The following FAT2 variants were observed in gnomAD, a reference collection of about 807,000 sequenced individuals.
The protein encoded by FAT2 is protocadherin Fat 2.
Under a neutral mutation model 295.3 loss-of-function variants are expected in FAT2, and 150 were observed. The observed-to-expected ratio is 0.51, with a 90% confidence interval of 0.44 to 0.58. FAT2 has a LOEUF of 0.58. Ranked by LOEUF, FAT2 falls within the 20% of genes least tolerant of loss-of-function variation. FAT2 has a pLI of 0.00. For synonymous variants in FAT2, 2,026 were observed against 2,150.3 expected (o/e 0.94, Z 1.60); for missense variants, 4,868 against 5,442.7 (o/e 0.89, Z 3.32).
At chr5:151,509,985 A>G in intron 22 of FAT2, 36 bp downstream of exon 22, 1 of 1,605,184 alleles carries the variant, frequency 6.2e-7, no homozygotes, top group Non-Finnish European at 8.5e-7. Context: ...ATTCCCTAAC[A>G]AGGAGCCCAT....
In FAT2 at chr5:151,544,454, G is replaced by A. The variant is rs2127609815; in HGVS notation, c.6673C>T (p.Leu2225=). Residue 2225 remains leucine (L), a synonymous_variant, in exon 10 of 24, where the codon CTA becomes TTA. Transcript: ENST00000261800. ...TAGTCCAAAGGCCCTGTTACTGTTA[G>A]GACACCAGTCTTGAAGTCAGTGGTG... ...LFTTDFKTGV[L]TVTGPLDYES... is the part of the protein sequence containing the mutation. 8 of 1,614,174 alleles carry A rather than the reference G, an allele frequency of 5.0e-6. No homozygotes were observed. The highest frequency in any genetic ancestry group is 6.8e-6 in the Non-Finnish European group (8 of 1,180,026).
At position 151,571,625 on chromosome 5, in the gene FAT2, G is replaced by GGCTAC. The variant is rs1270228173; in HGVS notation, c.-20-2675_-20-2674insGTAGC. Among the ~76,000 whole-genome samples, 21 of 152,326 alleles carry GGCTAC rather than the reference G, an allele frequency of 1.4e-4. No homozygotes were observed. In the East Asian group the frequency reaches 3.3e-3, roughly 24 times the overall value. On this transcript the variant is annotated intron_variant, in intron 1 of 23. Transcript: ENST00000261800. The stretch of plus-strand genomic sequence containing the variant: ...GTGCCCATGACCTGCCCAGGCTGTA[G>GGCTAC]GACCTGCACACCTGGGGAGTAGTTT...
intron 13 of FAT2, among the ~76,000 whole-genome samples, 188 bp downstream of exon 13, chr5:151,534,221 A>G (rs1386784817): frequency 6.6e-6 from 1 of 152,218 alleles, no homozygotes; most frequent in Non-Finnish European, 1.5e-5. Context: ...AAACATTGCT[A>G]AAATCATTTG....
upstream of FAT2, among the ~76,000 whole-genome samples, chr5:151,591,456 T>C (rs1345500162): frequency 6.6e-6 from 1 of 151,926 alleles, no homozygotes; most frequent in South Asian, 2.1e-4. Flanking sequence ...GGCCCAGAAC[T>C]CACGGTGGGG....
intron 12 of FAT2, among the ~76,000 whole-genome samples, chr5:151,537,444 G>A (rs7446902): frequency 1.1e-4 from 3 of 26,580 alleles, no homozygotes; most frequent in African/African-American, 3.6e-4. Context: ...AAAGGAGAGG[G>A]GAGGGGAGGG....
Position 151,521,539 on chromosome 5 carries a change from A to G in FAT2, c.11054T>C (p.Val3685Ala). ...GAAGGTTCCAGAATGCCCCTCAAAG[A>G]CCAGGAGCACATCCACACCAGCCAC... ...EAVAGVDVLL[V>A]FEGHSGTFYE... Residue 3685 changes from valine to alanine, a missense_variant, in exon 19 of 24, where the codon GTC (valine) becomes GCC (alanine). Val to Ala is a moderately conservative substitution (Grantham distance 64, BLOSUM62 0). Transcript: ENST00000261800. 1 of 1,614,172 alleles carries G rather than the reference A, an allele frequency of 6.2e-7. No homozygotes were observed. The highest frequency in any genetic ancestry group is 8.5e-7 in the Non-Finnish European group (1 of 1,180,016).
chr5:151,566,682 C>A lies in FAT2; in HGVS notation c.2250G>T (p.Leu750=), dbSNP rs778254699. ...TDPDAGFNGK[L]VYVIADGNEE... Reference sequence around the variant, plus strand: ...CATTGCCATCTGCAATCACATAGACCAGTTTGCCATTAAAACCAGCATCAG... The same window carrying A: ...CATTGCCATCTGCAATCACATAGACAAGTTTGCCATTAAAACCAGCATCAG... The change falls in exon 2 of 24, where the codon CTG becomes CTT. Residue 750 remains leucine (L), a synonymous_variant. Transcript: ENST00000261800. 5.6e-6 allele frequency: 9 copies of A among 1,614,028 alleles called. No homozygotes were observed. In the East Asian group the frequency reaches 2.0e-4, roughly 36 times the overall value.
At position 151,542,380 on chromosome 5, in the gene FAT2, A is replaced by G. The variant is rs1299754385; in HGVS notation, c.8747T>C (p.Val2916Ala). ...CAGTTCGCCAGGCTCACTGTTCTCA[A>G]CCACAGATCCTCTGTACTCTTCAGA... ...FASEEYRGSV[V>A]ENSEPGELVA... The change falls in exon 10 of 24, where the codon GTT becomes GCT. Residue 2916 changes from valine to alanine, a missense_variant. This residue lies in a region of FAT2 where 3,297 missense variants were observed against 3,669.4 expected (regional missense o/e 0.90). Transcript: ENST00000261800. The G allele has an allele frequency of 6.2e-7, 1 of 1,614,176 alleles. No individual in the cohort carries two copies. The highest frequency in any genetic ancestry group is 1.7e-5 in the Admixed American group (1 of 60,014).
chr5:151,510,773 G>A (rs1051440381), intron 21 of FAT2: 1 of 152,368 alleles, frequency 6.6e-6, no homozygotes, highest in Non-Finnish European at 1.5e-5. Context: ...TGAAGGATGA[G>A]TAGAAATTAG....
At chr5:151,582,198 A>C (rs909844705) in intron 1 of FAT2, among the ~76,000 whole-genome samples, 2 of 152,240 alleles carry the variant, frequency 1.3e-5, no homozygotes, top group African/African-American at 4.8e-5. Flanking sequence ...CATACTAATG[A>C]GATGCAAATG....
At chr5:151,586,104 C>G (rs1054978838) in intron 1 of FAT2, among the ~76,000 whole-genome samples, 6 of 152,226 alleles carry the variant, frequency 3.9e-5, no homozygotes, top group Admixed American at 2.6e-4. Flanking sequence ...CACCATTGAG[C>G]CTTGCATTTG....
Position 151,545,318 on chromosome 5 carries a change from G to A in FAT2, c.5809C>T (p.Arg1937Trp), listed in dbSNP as rs148098159. ...VLNPAFLGLS[R>W]KLTIRASDGL... ...TCAGAAGCCCTGATGGTGAGCTTCCGAGAGAGTCCCAGGAAAGCAGGATTC... is the reference window on the plus strand; with the variant it reads ...TCAGAAGCCCTGATGGTGAGCTTCCAAGAGAGTCCCAGGAAAGCAGGATTC... Residue 1937 changes from arginine to tryptophan, a missense_variant, in exon 10 of 24, where the codon CGG becomes TGG. Arg to Trp is a moderately radical substitution (Grantham distance 101). Coordinates refer to ENST00000261800, the MANE Select transcript of FAT2 (RefSeq NM_001447.3). The A allele has an allele frequency of 1.5e-5, 25 of 1,613,996 alleles. No individual in the cohort carries two copies. The highest frequency in any genetic ancestry group is 1.3e-4 in the African/African-American group (10 of 74,910).
At chr5:151,587,990 C>T (rs1759243855) in intron 1 of FAT2, among the ~76,000 whole-genome samples, 1 of 152,172 alleles carries the variant, frequency 6.6e-6, no homozygotes, top group African/African-American at 2.4e-5. Context: ...CCCAGGCAAA[C>T]TGGCTGTGTG....
At chr5:151,565,325 AT>A (rs1339993751) in intron 2 of FAT2, among the ~76,000 whole-genome samples, 41 of 152,136 alleles carry the variant, frequency 2.7e-4, no homozygotes, top group Admixed American at 2.6e-3. Context: ...ACTTTAGAAG[AT>A]TATAGACCAA....
intron 9 of FAT2, among the ~76,000 whole-genome samples, chr5:151,547,652 A>G (rs1262866061): frequency 6.6e-6 from 1 of 152,236 alleles, no homozygotes; most frequent in Non-Finnish European, 1.5e-5. Flanking sequence ...CAGTCAAAGA[A>G]CATGGTTTTA....
chr5:151,567,496 G>A lies in FAT2; in HGVS notation c.1436C>T (p.Ala479Val), dbSNP rs2127648028. The A allele has an allele frequency of 1.2e-6, 2 of 1,614,146 alleles. No homozygotes were observed. The highest frequency in any genetic ancestry group is 1.7e-6 in the Non-Finnish European group (2 of 1,180,008). The change falls in exon 2 of 24, where the codon GCT (alanine) becomes GTT (valine). Residue 479 changes from alanine to valine, a missense_variant. Transcript: ENST00000261800. ...ENIPPGTSVL[A>V]VTATDRDHGE... ...ATGATCCCGGTCAGTGGCAGTCACA[G>A]CCAAAACACTGGTGCCTGGAGGGAT...
In FAT2 at chr5:151,565,970, C is replaced by T; in HGVS notation, c.2962G>A (p.Asp988Asn). Residue 988 changes from aspartate (D) to asparagine (N), a missense_variant, in exon 2 of 24, where the codon GAC (aspartate) becomes AAC (asparagine). Physicochemically the swap from Asp to Asn is conservative, Grantham distance 23. Transcript: ENST00000261800. Reference protein sequence around the residue: ...TGALILERELDFERRAGYNLS... With the variant: ...TGALILERELNFERRAGYNLS... ...TTGTACCCAGCTCGCCTCTCAAAGTCCAGCTCTCTCTCCAGAATGAGCGCC... is the reference window on the plus strand; with the variant it reads ...TTGTACCCAGCTCGCCTCTCAAAGTTCAGCTCTCTCTCCAGAATGAGCGCC... 6.2e-7 allele frequency: 1 copy of T among 1,614,048 alleles called. No homozygotes were observed. The highest frequency in any genetic ancestry group is 1.1e-5 in the South Asian group (1 of 91,066).
intron 12 of FAT2, among the ~76,000 whole-genome samples, chr5:151,537,569 C>T (rs1755576173): frequency 6.6e-6 from 1 of 152,196 alleles, no homozygotes; most frequent in South Asian, 2.1e-4. Context: ...TTTAAAACCA[C>T]TGATTCAATG....
In FAT2 at chr5:151,531,830, A is replaced by G. The variant is rs1305622137; in HGVS notation, c.9568T>C (p.Ser3190Pro). The G allele has an allele frequency of 6.2e-7, 1 of 1,613,396 alleles. No individual in the cohort carries two copies. Among genetic ancestry groups the G allele is most frequent in the Non-Finnish European group, 8.5e-7 (1 of 1,179,980 alleles). Reference sequence around the variant, plus strand: ...AGCGGTATTGGGGTGCCCAGGTCAGAGGCACGGACCGTGAGCTCCAGTGGT... The same window carrying G: ...AGCGGTATTGGGGTGCCCAGGTCAGGGGCACGGACCGTGAGCTCCAGTGGT... ...QAPLELTVRA[S>P]DLGTPIPLST... Residue 3190 changes from serine to proline, a missense_variant, in exon 14 of 24, where the codon TCT becomes CCT. Ser to Pro is a moderately conservative substitution (Grantham distance 74, BLOSUM62 -1). Transcript: ENST00000261800. The surrounding 1 kb of genome is among the most constrained non-coding windows in gnomAD (Gnocchi z 5.7).
Sources: gnomAD v4.1 joint callset for allele counts (sites outside exome capture counted in the v4.1 genomes callset) on GRCh38, gnomAD v4.1.1 for gene constraint, gnomAD v4.1.1 regional missense constraint, Gnocchi (gnomAD v3.1) non-coding constraint, MANE v1.5 for transcripts, NCBI Gene and HGNC (gene_info 2026-07-23, HGNC 2026-07-21) for gene names.